KAZN: variants seen among roughly 807,000 people sequenced by gnomAD.
The protein encoded by KAZN is kazrin, periplakin interacting protein.
KAZN carries 40 observed loss-of-function variants against 87.4 expected under a neutral mutation model. That is an observed-to-expected ratio of 0.46 (90% CI 0.36 to 0.60). The LOEUF (loss-of-function observed/expected upper bound fraction) is 0.60, where lower values mean the gene tolerates loss of function less well. KAZN is among the 20% of genes least tolerant of loss of function. The pLI is 0.00. For synonymous variants in KAZN, 466 were observed against 458.3 expected (o/e 1.02, Z -0.22); for missense variants, 898 against 1,073.9 (o/e 0.84, Z 2.29).
chr1:14,847,229 C>G (rs1338690837), intron 1 of KAZN, among the ~76,000 whole-genome samples: 1 of 152,180 alleles, frequency 6.6e-6, no homozygotes, highest in Non-Finnish European at 1.5e-5. Context: ...ATAGACATCA[C>G]AGTGCCATCT....
chr1:15,055,348 A>G (rs1328725554), intron 4 of KAZN, among the ~76,000 whole-genome samples: 1 of 152,166 alleles, frequency 6.6e-6, no homozygotes, highest in African/African-American at 2.4e-5. Flanking sequence ...ATGGTGGCAC[A>G]TGCCTGTAAT....
rs141140456 is a variant in KAZN, at chr1:13,964,056, T to G, written c.91+70300T>G. Among the ~76,000 whole-genome samples, 236 of 152,314 alleles carry G rather than the reference T, an allele frequency of 1.5e-3. 1 individual carries two copies. The highest frequency in any genetic ancestry group is 5.6e-3 in the African/African-American group (233 of 41,568). The stretch of plus-strand genomic sequence containing the variant: ...TGTCTCCCATTTGCAAGTGCTCAAA[T>G]AGTGGTGGTAGGGGTTGTTAACACT... On this transcript the variant is annotated intron_variant, in intron 1 of 16. Transcript: ENST00000636203.
chr1:14,529,555 A>G (rs562300836), intron 2 of KAZN, among the ~76,000 whole-genome samples: 11 of 152,316 alleles, frequency 7.2e-5, no homozygotes, highest in African/African-American at 2.2e-4. Context: ...AGCATGTTGG[A>G]TTCAGAGCAT....
intron 1 of KAZN, among the ~76,000 whole-genome samples, chr1:14,948,371 A>T (rs557708691): frequency 6.4e-4 from 97 of 152,178 alleles, no homozygotes; most frequent in African/African-American, 2.1e-3. Flanking sequence ...GCTGCCAGCA[A>T]CTCCAGGCTC....
chr1:14,940,105 G>A (rs1350433617), intron 1 of KAZN, among the ~76,000 whole-genome samples: 1 of 152,218 alleles, frequency 6.6e-6, no homozygotes, highest in Non-Finnish European at 1.5e-5. Context: ...TCTTGGTTCA[G>A]TCAGCTGCCT....
At chr1:14,702,197 GT>G (rs1641960522) in intron 1 of KAZN, among the ~76,000 whole-genome samples, 1 of 152,194 alleles carries the variant, frequency 6.6e-6, no homozygotes, top group African/African-American at 2.4e-5. Flanking sequence ...TAAGTTTGCT[GT>G]TTTGAAAAGG....
intron 2 of KAZN, among the ~76,000 whole-genome samples, chr1:15,019,479 C>T (rs946488278): frequency 1.4e-4 from 21 of 152,212 alleles, no homozygotes; most frequent in African/African-American, 5.1e-4. Context: ...ACCTGTGTCC[C>T]CCTGGTTCAA....
At chr1:14,945,275 C>T (rs1363850780) in intron 1 of KAZN, among the ~76,000 whole-genome samples, 1 of 152,200 alleles carries the variant, frequency 6.6e-6, no homozygotes, top group Non-Finnish European at 1.5e-5. Flanking sequence ...GTGGCCCAGT[C>T]CTGGTCTTTC....
intron 1 of KAZN, among the ~76,000 whole-genome samples, chr1:14,682,449 G>C (rs1192401886): frequency 2.0e-5 from 3 of 151,848 alleles, no homozygotes; most frequent in African/African-American, 7.3e-5. Context: ...CACCATGCCT[G>C]GCTAATTTTT....
intron 2 of KAZN, among the ~76,000 whole-genome samples, chr1:14,483,811 G>T (rs1242541894): frequency 6.6e-6 from 1 of 151,970 alleles, no homozygotes; most frequent in Non-Finnish European, 1.5e-5. Flanking sequence ...CCTATTTTTG[G>T]GGTCATAGAT....
Position 14,713,177 on chromosome 1 carries a change from G to T in KAZN, c.226+113954G>T, listed in dbSNP as rs12136961. ...CTGTGTGTCTCTCCTCCTTCATTAC[G>T]CTAGCACAGGCTTGTTTTCATGGTG... On this transcript the variant is annotated intron_variant, in intron 1 of 14. Coordinates refer to ENST00000376030, the MANE Select transcript of KAZN (RefSeq NM_201628.3). Among the ~76,000 whole-genome samples the T allele has an allele frequency of 2.6e-5, 4 of 152,106 alleles. No individual in the cohort carries two copies. The South Asian group carries it at 8.3e-4, about 32-fold the overall frequency.
intron 2 of KAZN, among the ~76,000 whole-genome samples, chr1:14,577,936 T>G (rs916583543): frequency 6.6e-6 from 1 of 152,114 alleles, no homozygotes; most frequent in African/African-American, 2.4e-5. Flanking sequence ...GGTCTAACTG[T>G]CAAAAGTCCA....
At chr1:14,500,813 T>C (rs999267927) in intron 2 of KAZN, among the ~76,000 whole-genome samples, 2 of 152,134 alleles carry the variant, frequency 1.3e-5, no homozygotes, top group African/African-American at 2.4e-5. Context: ...GGAAATACTA[T>C]GCACATTGTA....
rs72863630 is a variant in KAZN at position 14,582,158 on chromosome 1, A to G, written c.250-16825A>G. The stretch of plus-strand genomic sequence containing the variant: ...CCTATTTTACAAGCAAAAAAAACCT[A>G]AAGTTTAGAGAGGTCAATAACTTTC... On this transcript the variant is annotated intron_variant, in intron 2 of 16. Transcript: ENST00000636203. Among the ~76,000 whole-genome samples, 602 of 152,130 alleles carry G rather than the reference A, an allele frequency of 4.0e-3. 8 individuals carry two copies. The highest frequency in any genetic ancestry group is 0.014 in the African/African-American group (578 of 41,510).
chr1:14,908,281 C>G (rs1212627697), intron 1 of KAZN, among the ~76,000 whole-genome samples: 2 of 152,176 alleles, frequency 1.3e-5, no homozygotes, highest in Non-Finnish European at 2.9e-5. Flanking sequence ...TGGCTCATGC[C>G]TGTAATCCCA....
intron 2 of KAZN, among the ~76,000 whole-genome samples, chr1:14,409,526 C>A (rs1337950566): frequency 6.6e-6 from 1 of 152,144 alleles, no homozygotes; most frequent in Non-Finnish European, 1.5e-5. Context: ...TTATATTACC[C>A]ACACTACCCC....
chr1:15,065,986 G>A (rs936434861), intron 8 of KAZN: 88 of 1,345,250 alleles, frequency 6.5e-5, no homozygotes, highest in South Asian at 3.9e-5. Context: ...TCTCCCCTGC[G>A]TCGCCACCTC....
rs185829781 is a variant in KAZN, at chr1:13,898,530, A to G, written c.91+4774A>G. On this transcript the variant is annotated intron_variant, in intron 1 of 16. Coordinates refer to the KAZN transcript ENST00000636203. ...AACAACTAAAGTCATTTTATCTAAT[A>G]TGTCCTGCTGACGCTGCATGAATCC... 2.0e-5 allele frequency among the ~76,000 whole-genome samples: 3 copies of G among 152,314 alleles called. No individual in the cohort carries two copies. In the East Asian group the frequency reaches 5.8e-4, roughly 29 times the overall value.
At chr1:14,270,907 A>C (rs1188993366) in intron 2 of KAZN, among the ~76,000 whole-genome samples, 1 of 152,198 alleles carries the variant, frequency 6.6e-6, no homozygotes, top group African/African-American at 2.4e-5. Flanking sequence ...CAGTTTGCCC[A>C]GAAATGGGGG....
Sources: gnomAD v4.1 joint callset for allele counts (sites outside exome capture counted in the v4.1 genomes callset) on GRCh38, gnomAD v4.1.1 for gene constraint, MANE v1.5 for transcripts, NCBI Gene and HGNC (gene_info 2026-07-23, HGNC 2026-07-21) for gene names.